Variants in DKK2 observed in about 807,000 individuals in gnomAD.
DKK2 encodes the protein dickkopf-related protein 2.
DKK2 carries 11 observed loss-of-function variants against 28.1 expected under a neutral mutation model. That is an observed-to-expected ratio of 0.39 (90% CI 0.25 to 0.65). DKK2 has a LOEUF of 0.65. DKK2 is among the 30% of genes least tolerant of loss of function. DKK2 has a pLI of 0.47. For missense variants in DKK2, 326 were observed against 335.5 expected (o/e 0.97, Z 0.22); for synonymous variants, 135 against 126.5 (o/e 1.07, Z -0.45).
At chr4:106,958,770 G>C (rs1722641721) in intron 1 of DKK2, among the ~76,000 whole-genome samples, 1 of 149,562 alleles carries the variant, frequency 6.7e-6, no homozygotes, top group Non-Finnish European at 1.5e-5. Context: ...CCCGAAGACA[G>C]AGGTTGCAGT....
At chr4:107,017,926 A>C (rs1241915520) in intron 1 of DKK2, among the ~76,000 whole-genome samples, 1 of 152,026 alleles carries the variant, frequency 6.6e-6, no homozygotes, top group African/African-American at 2.4e-5. Context: ...TTTCAGTACA[A>C]ATTTTTAGCT....
At chr4:106,943,746 A>G (rs895264280) in intron 1 of DKK2, among the ~76,000 whole-genome samples, 2 of 152,092 alleles carry the variant, frequency 1.3e-5, no homozygotes, top group African/African-American at 4.8e-5. Context: ...ATTGTATGTG[A>G]TGAAAATTAG....
At chr4:106,963,619 T>C (rs551606675) in intron 1 of DKK2, among the ~76,000 whole-genome samples, 2 of 152,188 alleles carry the variant, frequency 1.3e-5, no homozygotes, top group East Asian at 3.9e-4. Flanking sequence ...TGGAGAACAA[T>C]TGGGAGGTGC....
chr4:106,938,756 A>C (rs1724641971), intron 1 of DKK2, among the ~76,000 whole-genome samples: 2 of 152,110 alleles, frequency 1.3e-5, no homozygotes, highest in South Asian at 4.2e-4. Context: ...CAAAAAGCTT[A>C]TTCACCATGA....
At chr4:106,994,621 G>A (rs1033426228) in intron 1 of DKK2, among the ~76,000 whole-genome samples, 3 of 152,074 alleles carry the variant, frequency 2.0e-5, no homozygotes, top group African/African-American at 7.2e-5. Context: ...AAATAACTGG[G>A]GGAGTAGAGA....
At chr4:107,019,296 A>G (rs1298989148) in intron 1 of DKK2, among the ~76,000 whole-genome samples, 2 of 152,074 alleles carry the variant, frequency 1.3e-5, no homozygotes, top group Non-Finnish European at 2.9e-5. Context: ...TTTTAATCAA[A>G]TAATTCTGAG....
At position 107,035,303 on chromosome 4, in the gene DKK2, A is replaced by G; in HGVS notation, c.222+67T>C. ...CGAATGTTGCAAGATGCAATGGCAA[A>G]CCGCTAGCCCAAGAGAGCTGGCCCC... is the stretch of plus-strand genomic sequence containing the variant. On this transcript the variant is annotated intron_variant, in intron 1 of 3. Coordinates refer to ENST00000285311, the MANE Select transcript of DKK2 (RefSeq NM_014421.3). The G allele has an allele frequency of 1.9e-6, 3 of 1,567,516 alleles. No individual in the cohort carries two copies. In the South Asian group the frequency reaches 3.4e-5, roughly 18 times the overall value.
chr4:107,027,756 A>ATTTTTTTTTTT (rs71590176), intron 1 of DKK2, among the ~76,000 whole-genome samples: 11,917 of 133,792 alleles, frequency 0.089, 827 homozygotes, highest in East Asian at 0.18. Flanking sequence ...ACCTATTATG[A>ATTTTTTTTTTT]TTTTTTTTTT....
chr4:106,983,038 GAAAGAAAGAAAGAAAGAGA>G (rs1723049715), intron 1 of DKK2, among the ~76,000 whole-genome samples: 1 of 135,156 alleles, frequency 7.4e-6, no homozygotes, highest in South Asian at 2.3e-4. Context: ...GAAGAAAGAT[GAAAGAAAGAAAGAAAGAGA>G]AAAGAAAGAA....
intron 1 of DKK2, among the ~76,000 whole-genome samples, chr4:107,034,328 G>A (rs1723927974): frequency 6.6e-6 from 1 of 152,100 alleles, no homozygotes; most frequent in Admixed American, 6.5e-5. Context: ...TGTTGTGCGA[G>A]GTGCGTGTGC....
chr4:106,983,591 CA>C (rs1026680917), intron 1 of DKK2, among the ~76,000 whole-genome samples: 1 of 151,944 alleles, frequency 6.6e-6, no homozygotes, highest in East Asian at 1.9e-4. Flanking sequence ...CCAACCCTGC[CA>C]AAAAACATCG....
intron 1 of DKK2, among the ~76,000 whole-genome samples, chr4:107,024,258 C>T (rs1723738202): frequency 6.6e-6 from 1 of 151,984 alleles, no homozygotes; most frequent in South Asian, 2.1e-4. Flanking sequence ...TAAATAGTAG[C>T]ACATCCCAGG....
At chr4:106,991,065 T>C (rs1305172528) in intron 1 of DKK2, among the ~76,000 whole-genome samples, 1 of 152,178 alleles carries the variant, frequency 6.6e-6, no homozygotes, top group Admixed American at 6.5e-5. Context: ...AAAATGTCCT[T>C]CCTCTATAAA....
intron 1 of DKK2, among the ~76,000 whole-genome samples, chr4:107,021,222 G>A (rs1336876086): frequency 6.6e-6 from 1 of 151,896 alleles, no homozygotes; most frequent in Non-Finnish European, 1.5e-5. Flanking sequence ...CACCTTCTAT[G>A]GGGTACTTTG....
chr4:106,934,058 T>TAC (rs148355721), intron 1 of DKK2, among the ~76,000 whole-genome samples: 4,755 of 140,658 alleles, frequency 0.034, 164 homozygotes, highest in African/African-American at 0.087. Context: ...TACACACAGA[T>TAC]ACACACACAC....
intron 1 of DKK2, among the ~76,000 whole-genome samples, chr4:106,970,128 T>G (rs1722849830): frequency 6.6e-6 from 1 of 152,176 alleles, no homozygotes; most frequent in African/African-American, 2.4e-5. Context: ...CTTTGACAAT[T>G]GTTTAGCCTG....
intron 1 of DKK2, among the ~76,000 whole-genome samples, chr4:106,983,376 A>AAAG (rs1491307553): frequency 7.7e-4 from 86 of 112,264 alleles, no homozygotes; most frequent in African/African-American, 2.7e-3. Flanking sequence ...AAGAAGAAAG[A>AAAG]AAAGAAAGAA....
At chr4:107,012,157 C>T (rs1723527050) in intron 1 of DKK2, among the ~76,000 whole-genome samples, 1 of 151,022 alleles carries the variant, frequency 6.6e-6, no homozygotes, top group Non-Finnish European at 1.5e-5. Context: ...ATCTCATATC[C>T]CATGTACATA....
intron 1 of DKK2, among the ~76,000 whole-genome samples, chr4:106,967,889 G>A (rs1418674200): frequency 6.0e-5 from 9 of 151,156 alleles, no homozygotes; most frequent in Admixed American, 3.3e-4. Context: ...GGAGAAGAAG[G>A]AAGGGAGGGA....
Sources: gnomAD v4.1 joint callset for allele counts (sites outside exome capture counted in the v4.1 genomes callset) on GRCh38, gnomAD v4.1.1 for gene constraint, MANE v1.5 for transcripts, NCBI Gene and HGNC (gene_info 2026-07-23, HGNC 2026-07-21) for gene names.